The following A2ML1 variants were observed in gnomAD, a reference collection of about 807,000 sequenced individuals.
A2ML1 encodes alpha-2-macroglobulin like 1, also known as alpha-2-macroglobulin-like protein 1.
A2ML1 carries 161 observed loss-of-function variants against 181.9 expected under a neutral mutation model. The ratio of observed to expected loss-of-function variants is 0.89; its 90% confidence interval spans 0.78 to 1.01. A2ML1 has a LOEUF of 1.01. A2ML1 is among the 50% of genes least tolerant of loss of function. The pLI is 0.00. For synonymous variants in A2ML1, 663 were observed against 666.8 expected (o/e 0.99, Z 0.09); for missense variants, 1,670 against 1,768.1 (o/e 0.94, Z 1.00).
At chr12:8,828,133 T>C (rs1942990396) in intron 3 of A2ML1, among the ~76,000 whole-genome samples, 1 of 152,130 alleles carries the variant, frequency 6.6e-6, no homozygotes, top group South Asian at 2.1e-4. Context: ...CTCAAGGCCC[T>C]AGGGCTCTAC....
At chr12:8,823,108 G>A in intron 1 of A2ML1, 74 bp from the exon 2 acceptor site, 1 of 1,438,548 alleles carries the variant, frequency 7.0e-7, no homozygotes, top group East Asian at 2.3e-5. Context: ...TACTTGCTGA[G>A]CGCTTAGGAG....
intron 5 of A2ML1, chr12:8,835,030 C>A (rs140303627): frequency 3.0e-4 from 101 of 331,260 alleles, no homozygotes; most frequent in African/African-American, 1.9e-3. Context: ...TCAACAGGTA[C>A]GTGATAACAT....
chr12:8,877,968 T>C (rs1042104276), downstream of A2ML1, among the ~76,000 whole-genome samples: 1 of 151,914 alleles, frequency 6.6e-6, no homozygotes, highest in Non-Finnish European at 1.5e-5. Context: ...ATAAAGAAAA[T>C]GTGGTCCATG....
intron 4 of A2ML1, among the ~76,000 whole-genome samples, chr12:8,832,083 T>C (rs1592106830): frequency 6.6e-6 from 1 of 152,130 alleles, no homozygotes; most frequent in South Asian, 2.1e-4. Context: ...ATTTGGCAGG[T>C]AGGGGCTTGG....
intron 28 of A2ML1, among the ~76,000 whole-genome samples, chr12:8,862,483 G>A (rs1944300437): frequency 6.6e-6 from 1 of 152,296 alleles, no homozygotes; most frequent in Admixed American, 6.5e-5. Context: ...TTACAAGCGT[G>A]AGCCATTGCA....
intron 11 of A2ML1, 140 bp from the exon 12 acceptor site, chr12:8,842,994 C>A: frequency 1.4e-6 from 1 of 730,432 alleles, no homozygotes; most frequent in Non-Finnish European, 2.3e-6. Flanking sequence ...CTTGGCTGGA[C>A]CGCTAATGAA....
At chr12:8,843,720 T>A (rs979628339) in intron 12 of A2ML1, among the ~76,000 whole-genome samples, 1 of 143,558 alleles carries the variant, frequency 7.0e-6, no homozygotes, top group Non-Finnish European at 1.6e-5. Context: ...CCTTTTTTTT[T>A]CTTTTTTTTT....
intron 11 of A2ML1, among the ~76,000 whole-genome samples, chr12:8,842,112 T>G (rs1238023296): frequency 3.9e-5 from 6 of 152,242 alleles, no homozygotes; most frequent in African/African-American, 1.4e-4. Flanking sequence ...ATGCCTCTCA[T>G]GCAGGAGCCA....
intron 12 of A2ML1, among the ~76,000 whole-genome samples, chr12:8,844,233 A>T (rs1943590453): frequency 6.6e-6 from 1 of 151,036 alleles, no homozygotes. Context: ...GTTGGGAGGG[A>T]GAGTGGGGAG....
rs1314112163 is a variant in A2ML1 at position 8,852,235 on chromosome 12, A to G, written c.2489A>G (p.His830Arg). Residue 830 changes from histidine to arginine, a missense_variant, in exon 20 of 36, where the codon CAT becomes CGT. Physicochemically the swap from His to Arg is conservative, Grantham distance 29 (BLOSUM62 0). Coordinates refer to ENST00000299698, the MANE Select transcript of A2ML1 (RefSeq NM_144670.6). This position sits in a 1 kb window ranked among gnomAD's most constrained non-coding sequence, Gnocchi z 4.2. ...IRVQTDLAKS[H>R]EYQLESWADS... ...GTTCAGACTGACCTGGCTAAATCGC[A>G]TGAGTACCAGCTAGAATCATGGGCA... The G allele has an allele frequency of 6.2e-7, 1 of 1,614,114 alleles. No individual in the cohort carries two copies. The highest frequency in any genetic ancestry group is 8.5e-7 in the Non-Finnish European group (1 of 1,180,030).
rs1216542840 is a variant in A2ML1, at chr12:8,823,615, C to T, written c.247-105C>T. ...GTTTTATGTCTCTATCCTTGCTACC[C>T]CCATCTAACTCAGCTCTTTCCTTTA... is the stretch of plus-strand genomic sequence containing the variant. On this transcript the variant is annotated intron_variant, in intron 2 of 35. Transcript: ENST00000299698. 1.0e-5 allele frequency: 13 copies of T among 1,288,934 alleles called. No individual in the cohort carries two copies. The East Asian group carries it at 1.6e-4, about 16-fold the overall frequency. The allele number at this position is 1,288,934 out of a possible 1,614,324, so 79.8% of individuals were successfully genotyped here.
downstream of A2ML1, among the ~76,000 whole-genome samples, chr12:8,880,095 G>A (rs1944855262): frequency 6.6e-6 from 1 of 152,192 alleles, no homozygotes. Context: ...CAGGTGTGGT[G>A]GCTCATGCCT....
At chr12:8,839,038 C>T in intron 9 of A2ML1, 75 bp from the exon 10 acceptor site, 1 of 1,038,584 alleles carries the variant, frequency 9.6e-7, no homozygotes, top group Non-Finnish European at 1.4e-6. Flanking sequence ...ACCATTCTCT[C>T]AGAGACTTGA....
intron 10 of A2ML1, among the ~76,000 whole-genome samples, chr12:8,839,809 G>A (rs142112061): frequency 2.0e-5 from 3 of 152,186 alleles, no homozygotes; most frequent in African/African-American, 7.2e-5. Flanking sequence ...GTGCAATGGC[G>A]CGATCTCTGT....
At position 8,863,904 on chromosome 12, in the gene A2ML1, C is replaced by T. The variant is rs1565489907; in HGVS notation, c.3613C>T (p.Leu1205Phe). 1 of 1,614,186 alleles carries T rather than the reference C, an allele frequency of 6.2e-7. No individual in the cohort carries two copies. Among genetic ancestry groups the T allele is most frequent in the South Asian group, 1.1e-5 (1 of 91,088 alleles). ...CACAGCATATGCATTGTTGGCCCAGCTTACCAAGCCCAGCCTGACTCAAAA... is the reference window on the plus strand; with the variant it reads ...CACAGCATATGCATTGTTGGCCCAGTTTACCAAGCCCAGCCTGACTCAAAA... ...ELTAYALLAQ[L>F]TKPSLTQKEI... The change falls in exon 29 of 36, where the codon CTT becomes TTT. Residue 1205 changes from leucine to phenylalanine, a missense_variant. By Grantham distance (22) the Leu-to-Phe change is conservative. Coordinates refer to ENST00000299698, the MANE Select transcript of A2ML1 (RefSeq NM_144670.6).
chr12:8,841,267 CA>C, intron 10 of A2ML1, 101 bp from the exon 11 acceptor site: 10 of 1,127,482 alleles, frequency 8.9e-6, no homozygotes, highest in Non-Finnish European at 1.0e-5. Flanking sequence ...CTTTTAGTGC[CA>C]AAAACCACAA....
Position 8,845,632 on chromosome 12 carries a change from T to G in A2ML1, c.1537+130T>G, listed in dbSNP as rs949503164. 9.0e-5 allele frequency: 72 copies of G among 801,992 alleles called. No homozygotes were observed. Among genetic ancestry groups the G allele is most frequent in the Middle Eastern group, 3.2e-4 (1 of 3,100 alleles). 49.7% of individuals were successfully genotyped at this position (801,992 alleles called of 1,614,324 possible). ...GGAGGCCGAGGTGGGCGGATCACGA[T>G]GTCGGGAGATCGAGACCATCTTGGC... On this transcript the variant is annotated intron_variant, in intron 13 of 35. Coordinates refer to ENST00000299698, the MANE Select transcript of A2ML1 (RefSeq NM_144670.6).
intron 3 of A2ML1, 58 bp downstream of exon 3, chr12:8,823,940 G>A: frequency 3.3e-6 from 5 of 1,529,368 alleles, no homozygotes; most frequent in Non-Finnish European, 4.4e-6. Context: ...GTGCACAGGG[G>A]TAAAGAGGGG....
intron 13 of A2ML1, among the ~76,000 whole-genome samples, chr12:8,845,865 TAAATAAAATA>T (rs140753342): frequency 7.6e-6 from 1 of 131,232 alleles, no homozygotes; most frequent in Non-Finnish European, 1.6e-5. Flanking sequence ...AAAAAAAAAA[TAAATAAAATA>T]AAATAAAATA....
Sources: gnomAD v4.1 joint callset for allele counts (sites outside exome capture counted in the v4.1 genomes callset) on GRCh38, gnomAD v4.1.1 for gene constraint, Gnocchi (gnomAD v3.1) non-coding constraint, MANE v1.5 for transcripts, NCBI Gene and HGNC (gene_info 2026-07-23, HGNC 2026-07-21) for gene names.